SLX4IP: variants seen among roughly 807,000 people sequenced by gnomAD.
SLX4IP encodes protein SLX4IP.
In SLX4IP, 34 loss-of-function variants were observed where a neutral mutation model predicts 32.9. That is an observed-to-expected ratio of 1.03 (90% CI 0.79 to 1.38). The LOEUF (loss-of-function observed/expected upper bound fraction) is 1.38, where lower values mean the gene tolerates loss of function less well. SLX4IP is among the 40% of genes most tolerant of loss of function. SLX4IP has a pLI of 0.00. For synonymous variants in SLX4IP, 172 were observed against 171.7 expected (o/e 1.00, Z -0.01); for missense variants, 444 against 479.0 (o/e 0.93, Z 0.68).
chr20:10,446,317 C>T (rs2065202012), intron 1 of SLX4IP, among the ~76,000 whole-genome samples: 1 of 148,346 alleles, frequency 6.7e-6, no homozygotes, highest in South Asian at 2.1e-4. Flanking sequence ...GAGGCTGAGG[C>T]AAGAGAATCA....
chr20:10,476,100 G>A lies in SLX4IP; in HGVS notation c.27+17869G>A, dbSNP rs186986719. On this transcript the variant is annotated intron_variant, in intron 2 of 7. Coordinates refer to ENST00000334534, the MANE Select transcript of SLX4IP (RefSeq NM_001009608.3). ...CAACTTGGCAATGTGTTTTATTATC[G>A]GTGTGCATTTTGAAGTGTTTTAAGG... Among the ~76,000 whole-genome samples the A allele has an allele frequency of 2.1e-3, 324 of 151,924 alleles. 2 individuals carry two copies. Among genetic ancestry groups the A allele is most frequent in the Middle Eastern group, 3.4e-3 (1 of 294 alleles).
intron 2 of SLX4IP, among the ~76,000 whole-genome samples, chr20:10,506,821 G>A (rs1334044810): frequency 6.6e-6 from 1 of 152,172 alleles, no homozygotes; most frequent in Non-Finnish European, 1.5e-5. Flanking sequence ...GAGGAGTGAG[G>A]CAGCAGGGGG....
At chr20:10,490,312 G>T (rs904074962) in intron 2 of SLX4IP, among the ~76,000 whole-genome samples, 3 of 151,826 alleles carry the variant, frequency 2.0e-5, no homozygotes, top group African/African-American at 7.3e-5. Flanking sequence ...CCATTTCCGG[G>T]TCTGTCCCAG....
intron 2 of SLX4IP, among the ~76,000 whole-genome samples, chr20:10,525,122 TTATC>T (rs1414356148): frequency 6.6e-6 from 1 of 152,242 alleles, no homozygotes; most frequent in Non-Finnish European, 1.5e-5. Flanking sequence ...CTGATCCAGC[TTATC>T]TTTTTCTTTT....
intron 2 of SLX4IP, among the ~76,000 whole-genome samples, chr20:10,481,677 G>C (rs779890387): frequency 4.0e-5 from 6 of 151,852 alleles, no homozygotes; most frequent in Non-Finnish European, 7.4e-5. Context: ...CCTATTTCTG[G>C]TCACCAAATT....
chr20:10,450,861 C>T (rs996932401), intron 1 of SLX4IP, among the ~76,000 whole-genome samples: 3 of 152,098 alleles, frequency 2.0e-5, no homozygotes, highest in Non-Finnish European at 4.4e-5. Flanking sequence ...ACGCCATTCT[C>T]CTGCCTCAGC....
At chr20:10,607,303 G>T (rs2066916273) in intron 6 of SLX4IP, among the ~76,000 whole-genome samples, 1 of 152,154 alleles carries the variant, frequency 6.6e-6, no homozygotes, top group African/African-American at 2.4e-5. Flanking sequence ...TCTGCCTTAT[G>T]CTTCATTTGA....
At chr20:10,560,416 T>G (rs2066319589) in intron 3 of SLX4IP, among the ~76,000 whole-genome samples, 1 of 152,240 alleles carries the variant, frequency 6.6e-6, no homozygotes, top group Admixed American at 6.5e-5. Context: ...ATGTTTACAC[T>G]GAAATATTTT....
chr20:10,533,364 A>G (rs902265123), intron 2 of SLX4IP, among the ~76,000 whole-genome samples: 12 of 152,200 alleles, frequency 7.9e-5, no homozygotes, highest in Middle Eastern at 3.4e-3. Context: ...GTGCAGTGGC[A>G]TGATCTTGGC....
In SLX4IP at chr20:10,601,806, A is replaced by G; in HGVS notation, c.392A>G (p.Gln131Arg). Residue 131 changes from glutamine to arginine, a missense_variant, in exon 6 of 8, where the codon CAG (glutamine) becomes CGG (arginine). By Grantham distance (43) the Gln-to-Arg change is conservative. Transcript: ENST00000334534. ...TTCAGTCGTGATCTTTTAGCAAGTC[A>G]GAATGAAGATTTGGTGAGTATGAAA... The part of the protein sequence containing the change: ...LAFSRDLLAS[Q>R]NEDLTERVLH... 1 of 1,613,880 alleles carries G rather than the reference A, an allele frequency of 6.2e-7. No individual in the cohort carries two copies.
intron 4 of SLX4IP, among the ~76,000 whole-genome samples, chr20:10,582,705 C>G (rs1339303852): frequency 6.6e-6 from 1 of 152,170 alleles, no homozygotes; most frequent in Admixed American, 6.5e-5. Context: ...GCTTTACAAT[C>G]ACCTATTAGA....
chr20:10,523,683 T>G (rs1734538760), intron 2 of SLX4IP, among the ~76,000 whole-genome samples: 1 of 152,240 alleles, frequency 6.6e-6, no homozygotes, highest in Non-Finnish European at 1.5e-5. Context: ...GCTGATTTAA[T>G]GAATGAATGA....
rs189812090 is a variant in SLX4IP at position 10,475,913 on chromosome 20, G to T, written c.27+17682G>T. Among the ~76,000 whole-genome samples, 65 of 152,292 alleles carry T rather than the reference G, an allele frequency of 4.3e-4. 1 individual carries two copies. The East Asian group carries it at 7.3e-3, about 17-fold the overall frequency. On this transcript the variant is annotated intron_variant, in intron 2 of 7. Transcript: ENST00000334534. ...GACTTTGCTGGAAAGTTTCTTTTTGGCAGTCTCATAGACAGGCCTTTTTAC... is the reference window on the plus strand; with the variant it reads ...GACTTTGCTGGAAAGTTTCTTTTTGTCAGTCTCATAGACAGGCCTTTTTAC...
intron 4 of SLX4IP, among the ~76,000 whole-genome samples, chr20:10,598,123 T>A (rs1342266351): frequency 6.6e-6 from 1 of 152,212 alleles, no homozygotes; most frequent in Non-Finnish European, 1.5e-5. Context: ...CTCATTTATT[T>A]CGTTTTACAG....
intron 6 of SLX4IP, among the ~76,000 whole-genome samples, chr20:10,617,856 G>A (rs915690064): frequency 1.1e-4 from 17 of 151,850 alleles, no homozygotes; most frequent in African/African-American, 3.9e-4. Context: ...GCCTAGGCTG[G>A]TCTCGAACTC....
At chr20:10,580,954 A>G (rs1374336981) in intron 4 of SLX4IP, among the ~76,000 whole-genome samples, 1 of 152,168 alleles carries the variant, frequency 6.6e-6, no homozygotes, top group Non-Finnish European at 1.5e-5. Flanking sequence ...ATGATTGACA[A>G]TAATTCCAGA....
chr20:10,535,283 C>CA (rs1175299816), intron 2 of SLX4IP, among the ~76,000 whole-genome samples: 7 of 152,046 alleles, frequency 4.6e-5, no homozygotes, highest in African/African-American at 1.7e-4. Context: ...CTGGCTGAGT[C>CA]AAAACAGGAG....
chr20:10,547,715 C>T (rs1255402138), intron 2 of SLX4IP, among the ~76,000 whole-genome samples: 2 of 152,096 alleles, frequency 1.3e-5, no homozygotes, highest in African/African-American at 2.4e-5. Context: ...TTTTTTCCTG[C>T]GTTCAGGGTG....
At chr20:10,538,264 C>T (rs1399938266) in intron 2 of SLX4IP, among the ~76,000 whole-genome samples, 1 of 142,994 alleles carries the variant, frequency 7.0e-6, no homozygotes, top group Non-Finnish European at 1.5e-5. Flanking sequence ...AGGGCTAAGT[C>T]AGCTGGCTCC....
Sources: allele counts gnomAD v4.1 joint callset (sites outside exome capture counted in the v4.1 genomes callset), GRCh38; gene constraint gnomAD v4.1.1; transcripts MANE v1.5; gene names NCBI Gene and HGNC (gene_info 2026-07-23, HGNC 2026-07-21).